CDH13: variants seen among roughly 807,000 people sequenced by gnomAD.
CDH13 encodes the protein cadherin 13, also known as cadherin-13.
A neutral mutation model predicts 63.8 loss-of-function variants in CDH13; 24 were observed. That is an observed-to-expected ratio of 0.38 (90% CI 0.27 to 0.53). The LOEUF is 0.53. CDH13 is among the 20% of genes least tolerant of loss of function. The probability of loss-of-function intolerance (pLI) is 0.85; values close to 1 mark genes in which losing one functional copy is unlikely to be tolerated. For synonymous variants in CDH13, 503 were observed against 355.3 expected (o/e 1.42, Z -4.67); for missense variants, 1,049 against 903.1 (o/e 1.16, Z -2.07).
At chr16:82,897,335 T>C (rs1181899123) in intron 2 of CDH13, among the ~76,000 whole-genome samples, 1 of 152,168 alleles carries the variant, frequency 6.6e-6, no homozygotes, top group Non-Finnish European at 1.5e-5. Flanking sequence ...TGCATTTCCA[T>C]GGCCACCACA....
intron 2 of CDH13, among the ~76,000 whole-genome samples, chr16:82,896,927 C>T (rs1209144594): frequency 3.3e-5 from 5 of 151,802 alleles, no homozygotes; most frequent in Admixed American, 2.6e-4. Context: ...ACTACAGGTG[C>T]CCGCCATCAC....
chr16:82,834,686 G>C (rs1457787734), intron 1 of CDH13, among the ~76,000 whole-genome samples: 1 of 152,140 alleles, frequency 6.6e-6, no homozygotes, highest in African/African-American at 2.4e-5. Context: ...ATGTCTGTCT[G>C]CTCACGCACT....
intron 4 of CDH13, among the ~76,000 whole-genome samples, chr16:83,197,507 T>A (rs2151762029): frequency 6.6e-6 from 1 of 152,276 alleles, no homozygotes; most frequent in South Asian, 2.1e-4. Flanking sequence ...CTTTCTAATT[T>A]TTTGTATCCA....
intron 6 of CDH13, among the ~76,000 whole-genome samples, chr16:83,425,867 AATATGTGCCCAGCACTGTTC>A (rs1390366785): frequency 6.6e-6 from 1 of 152,066 alleles, no homozygotes; most frequent in Non-Finnish European, 1.5e-5. Flanking sequence ...TAAGGGACTT[AATATGTGCCCAGCACTGTTC>A]TAGGCACTAC....
intron 5 of CDH13, among the ~76,000 whole-genome samples, chr16:83,304,670 T>G (rs2089832173): frequency 6.6e-6 from 1 of 152,154 alleles, no homozygotes; most frequent in East Asian, 1.9e-4. Context: ...GGAGGAATAA[T>G]GATAATATTG....
At chr16:83,371,311 T>C (rs1045127901) in intron 6 of CDH13, among the ~76,000 whole-genome samples, 1 of 152,212 alleles carries the variant, frequency 6.6e-6, no homozygotes, top group African/African-American at 2.4e-5. Context: ...TCAGTCACAT[T>C]CTCCATCATT....
chr16:83,764,576 C>A (rs1294917023), intron 11 of CDH13, among the ~76,000 whole-genome samples: 2 of 152,162 alleles, frequency 1.3e-5, no homozygotes, highest in South Asian at 2.1e-4. Context: ...TCTACCCAGT[C>A]CTCAAGCAAG....
chr16:83,096,822 A>T (rs2034223078), intron 3 of CDH13, among the ~76,000 whole-genome samples: 1 of 152,320 alleles, frequency 6.6e-6, no homozygotes, highest in Middle Eastern at 3.4e-3. Flanking sequence ...GCACTTAAAA[A>T]TGATGATTTT....
chr16:82,909,895 A>G (rs2041774528), intron 2 of CDH13, among the ~76,000 whole-genome samples: 1 of 152,148 alleles, frequency 6.6e-6, no homozygotes, highest in Non-Finnish European at 1.5e-5. Flanking sequence ...TGTGGTGGAC[A>G]TTTTTCATGT....
intron 1 of CDH13, among the ~76,000 whole-genome samples, chr16:82,717,311 C>G (rs1312617755): frequency 6.6e-6 from 1 of 151,838 alleles, no homozygotes; most frequent in Non-Finnish European, 1.5e-5. Context: ...TGGTTCGCAG[C>G]TGTAATCCTA....
chr16:82,833,961 G>T (rs980167498), intron 1 of CDH13, among the ~76,000 whole-genome samples: 3 of 152,332 alleles, frequency 2.0e-5, no homozygotes, highest in African/African-American at 7.2e-5. Context: ...TACTTACCTT[G>T]TGGGTGGGGA....
intron 1 of CDH13, among the ~76,000 whole-genome samples, chr16:82,720,674 A>G (rs1352314041): frequency 6.6e-6 from 1 of 150,664 alleles, no homozygotes; most frequent in Non-Finnish European, 1.5e-5. Context: ...GCCAAGAGTT[A>G]GTGTTTTTTT....
At chr16:83,732,758 G>A (rs1265868812) in intron 10 of CDH13, among the ~76,000 whole-genome samples, 4 of 152,088 alleles carry the variant, frequency 2.6e-5, no homozygotes, top group Non-Finnish European at 5.9e-5. Flanking sequence ...ACCTCACCAG[G>A]GGCACCAAAC....
At chr16:83,308,322 A>G (rs1439868444) in intron 5 of CDH13, among the ~76,000 whole-genome samples, 1 of 152,208 alleles carries the variant, frequency 6.6e-6, no homozygotes, top group Non-Finnish European at 1.5e-5. Context: ...CTTGAAGGAA[A>G]GGAAAAATTT....
intron 11 of CDH13, among the ~76,000 whole-genome samples, chr16:83,756,904 G>T (rs566505319): frequency 3.5e-4 from 54 of 152,278 alleles, no homozygotes; most frequent in African/African-American, 1.3e-3. Context: ...AGCTGTAAAA[G>T]ATTTGAACAA....
chr16:83,343,465 A>T (rs1169413480), intron 5 of CDH13, among the ~76,000 whole-genome samples: 10 of 152,212 alleles, frequency 6.6e-5, no homozygotes, highest in Non-Finnish European at 1.3e-4. Context: ...TGTAGTGCAA[A>T]CTTATATAGG....
At chr16:83,758,162 T>C (rs976573523) in intron 11 of CDH13, among the ~76,000 whole-genome samples, 37 of 151,998 alleles carry the variant, frequency 2.4e-4, no homozygotes, top group African/African-American at 7.2e-4. Flanking sequence ...TCCAAATATT[T>C]AAGAAAGAAA....
At chr16:83,215,366 A>G (rs569332079) in intron 4 of CDH13, among the ~76,000 whole-genome samples, 3 of 151,870 alleles carry the variant, frequency 2.0e-5, no homozygotes, top group Non-Finnish European at 4.4e-5. Context: ...GGCATGAGCC[A>G]CCACGCCCGG....
chr16:82,829,185 C>G (rs993841459), intron 1 of CDH13: 4 of 152,180 alleles, frequency 2.6e-5, no homozygotes, highest in Non-Finnish European at 4.4e-5. Flanking sequence ...ACTGGAGAGA[C>G]TGAGGAGGCA....
Sources: gnomAD v4.1 joint callset for allele counts (sites outside exome capture counted in the v4.1 genomes callset) on GRCh38, gnomAD v4.1.1 for gene constraint, MANE v1.5 for transcripts, NCBI Gene and HGNC (gene_info 2026-07-23, HGNC 2026-07-21) for gene names.